Variants in LAMA2 observed in about 807,000 individuals in gnomAD.
LAMA2 encodes the protein laminin subunit alpha 2, also known as laminin subunit alpha-2.
A neutral mutation model predicts 364.8 loss-of-function variants in LAMA2; 269 were observed. That is an observed-to-expected ratio of 0.74 (90% CI 0.67 to 0.82). LAMA2 has a LOEUF of 0.82. Among genes scored for constraint, LAMA2 ranks in the 40% least tolerant of loss-of-function variants. The pLI, the probability that LAMA2 is intolerant of heterozygous loss-of-function variation, is 0.00. For missense variants in LAMA2, 3,807 were observed against 3,873.2 expected, an observed-to-expected ratio of 0.98 and a Z score of 0.45; for synonymous variants, 1,379 against 1,370.6, an observed-to-expected ratio of 1.01 and a Z score of -0.14.
intron 4 of LAMA2, among the ~76,000 whole-genome samples, chr6:129,118,996 A>G (rs1387074267): frequency 1.3e-5 from 2 of 152,230 alleles, no homozygotes; most frequent in South Asian, 4.1e-4. Flanking sequence ...GCAAAATTGT[A>G]TAACGCAATT....
chr6:129,384,517 A>C (rs1778868811), intron 35 of LAMA2, among the ~76,000 whole-genome samples: 1 of 152,190 alleles, frequency 6.6e-6, no homozygotes, highest in African/African-American at 2.4e-5. Context: ...AGTAGATCCT[A>C]TTATCAACAC....
chr6:129,387,545 C>G (rs966920239), intron 35 of LAMA2, among the ~76,000 whole-genome samples: 1 of 152,124 alleles, frequency 6.6e-6, no homozygotes, highest in Non-Finnish European at 1.5e-5. Flanking sequence ...CCCAGCAACC[C>G]CATAACTGGG....
chr6:129,486,549 A>G lies in LAMA2; in HGVS notation c.7825A>G (p.Ile2609Val). 2 of 1,614,036 alleles carry G rather than the reference A, an allele frequency of 1.2e-6. No individual in the cohort carries two copies. The highest frequency in any genetic ancestry group is 1.7e-4 in the Middle Eastern group (1 of 6,060). ...CACAGGGGCACGAACAATGAGGAAAATTGTGATCAGACCAGAGCCGAATCT... is the reference window on the plus strand; with the variant it reads ...CACAGGGGCACGAACAATGAGGAAAGTTGTGATCAGACCAGAGCCGAATCT... ...LSTGARTMRK[I>V]VIRPEPNLFH... is the part of the protein sequence containing the mutation. Residue 2609 changes from isoleucine to valine, a missense_variant, in exon 56 of 65, where the codon ATT (isoleucine) becomes GTT (valine). Physicochemically the swap from Ile to Val is conservative, Grantham distance 29. This residue lies in a region of LAMA2 where 3,333 missense variants were observed against 3,345.7 expected (regional missense o/e 1.00). Coordinates refer to ENST00000421865, the MANE Select transcript of LAMA2 (RefSeq NM_000426.4).
intron 5 of LAMA2, among the ~76,000 whole-genome samples, chr6:129,145,145 A>C (rs2114960841): frequency 6.6e-6 from 1 of 152,114 alleles, no homozygotes; most frequent in African/African-American, 2.4e-5. Context: ...TTAATTCTAG[A>C]ATGATCCCAC....
chr6:129,430,953 GT>G (rs1781560975), intron 41 of LAMA2, among the ~76,000 whole-genome samples: 1 of 151,930 alleles, frequency 6.6e-6, no homozygotes, highest in South Asian at 2.1e-4. Flanking sequence ...GTAGACCTTG[GT>G]TTATTAAAAG....
At chr6:129,361,548 C>T (rs1231037134) in intron 32 of LAMA2, among the ~76,000 whole-genome samples, 1 of 152,220 alleles carries the variant, frequency 6.6e-6, no homozygotes, top group Non-Finnish European at 1.5e-5. Flanking sequence ...AAATTGGGGC[C>T]TCAACTGCCC....
At chr6:128,973,347 G>C (rs554587270) in intron 1 of LAMA2, among the ~76,000 whole-genome samples, 59 of 152,280 alleles carry the variant, frequency 3.9e-4, no homozygotes, top group African/African-American at 1.2e-3. Context: ...CTGATAATAA[G>C]AGAGTTTGAC....
intron 58 of LAMA2, among the ~76,000 whole-genome samples, chr6:129,493,395 C>T (rs1434338999): frequency 6.6e-6 from 1 of 152,180 alleles, no homozygotes; most frequent in East Asian, 1.9e-4. Context: ...CAATCTATTT[C>T]TCAGTTTCCC....
intron 3 of LAMA2, among the ~76,000 whole-genome samples, chr6:129,091,504 GTT>G (rs1276818190): frequency 6.6e-6 from 1 of 152,168 alleles, no homozygotes; most frequent in African/African-American, 2.4e-5. Flanking sequence ...GAAATGGCCT[GTT>G]TGCTTACCTG....
chr6:129,457,322 T>G (rs1206030731), intron 48 of LAMA2, among the ~76,000 whole-genome samples: 2 of 152,138 alleles, frequency 1.3e-5, no homozygotes, highest in Non-Finnish European at 2.9e-5. Context: ...TTCTTAGAAC[T>G]TCATATAAAT....
intron 17 of LAMA2, among the ~76,000 whole-genome samples, chr6:129,277,565 TAC>T (rs1223127352): frequency 6.6e-6 from 1 of 152,166 alleles, no homozygotes; most frequent in East Asian, 1.9e-4. Flanking sequence ...ACTTAATTCT[TAC>T]CAGTAGGTTT....
chr6:129,200,107 T>TAAAAGTA (rs1435123381), intron 12 of LAMA2, among the ~76,000 whole-genome samples: 11 of 132,856 alleles, frequency 8.3e-5, no homozygotes, highest in Non-Finnish European at 1.6e-5. Flanking sequence ...TGTATATGTG[T>TAAAAGTA]ACACGTATAT....
Position 129,005,805 on chromosome 6 carries a change from ATATG to A in LAMA2, c.113-44112_113-44109del, listed in dbSNP as rs1278615939. On this transcript the variant is annotated intron_variant, in intron 1 of 64. Coordinates refer to ENST00000421865, the MANE Select transcript of LAMA2 (RefSeq NM_000426.4). ...TTACAAGTTTCAGTACAATTTATAT[ATATG>A]GATTATATCTACATATATATTTTTT... is the stretch of plus-strand genomic sequence containing the variant. 2.0e-5 allele frequency among the ~76,000 whole-genome samples: 3 copies of A among 151,106 alleles called. No homozygotes were observed. The East Asian group carries it at 5.9e-4, about 30-fold the overall frequency.
chr6:129,431,811 G>T (rs1465347407), intron 41 of LAMA2, among the ~76,000 whole-genome samples: 1 of 152,052 alleles, frequency 6.6e-6, no homozygotes, highest in African/African-American at 2.4e-5. Flanking sequence ...CTATACAGTG[G>T]TCCTCCAAAC....
intron 34 of LAMA2, among the ~76,000 whole-genome samples, chr6:129,378,509 T>C (rs1650851110): frequency 6.6e-6 from 1 of 152,244 alleles, no homozygotes; most frequent in African/African-American, 2.4e-5. Flanking sequence ...TAATGAGACA[T>C]GATTTTTAAA....
Position 129,147,183 on chromosome 6 carries a change from C to T in LAMA2, c.909+135C>T, listed in dbSNP as rs1778511165. 5.6e-6 allele frequency: 4 copies of T among 718,080 alleles called. No homozygotes were observed. In the East Asian group the frequency reaches 1.0e-4, roughly 19 times the overall value. 44.5% of individuals were successfully genotyped at this position (718,080 alleles called of 1,614,324 possible). On this transcript the variant is annotated intron_variant, in intron 6 of 64. Transcript: ENST00000421865. Reference sequence around the variant, plus strand: ...TAGACAGTGTAACAGAAATCCATGCCAGGGTGAAATAAGAGCTGGCAGTTA... The same window carrying T: ...TAGACAGTGTAACAGAAATCCATGCTAGGGTGAAATAAGAGCTGGCAGTTA...
intron 43 of LAMA2, among the ~76,000 whole-genome samples, chr6:129,442,405 TA>T: frequency 6.6e-6 from 1 of 152,332 alleles, no homozygotes; most frequent in Non-Finnish European, 1.5e-5. Flanking sequence ...GCTCAAAGTT[TA>T]CATAATAACT....
intron 9 of LAMA2, among the ~76,000 whole-genome samples, chr6:129,167,907 A>C (rs1362821806): frequency 1.3e-5 from 2 of 150,326 alleles, no homozygotes; most frequent in African/African-American, 4.9e-5. Flanking sequence ...CATTTCTCTG[A>C]TGGCCAGTGA....
In LAMA2 at chr6:129,312,864, T is replaced by A; in HGVS notation, c.3178T>A (p.Cys1060Ser). The part of the protein sequence containing the change: ...GHSITTGCKA[C>S]NCSTVGSLDF... Reference sequence around the variant, plus strand: ...GCTGTTTTTATCTCCTCTATAGGCTTGTAACTGCAGCACAGTGGGATCCTT... The same window carrying A: ...GCTGTTTTTATCTCCTCTATAGGCTAGTAACTGCAGCACAGTGGGATCCTT... The change falls in exon 23 of 65, where the codon TGT (cysteine) becomes AGT (serine). Residue 1060 changes from cysteine (C) to serine (S), a missense_variant. Cys to Ser is a moderately radical substitution (Grantham distance 112). This residue lies in a region of LAMA2 where 3,333 missense variants were observed against 3,345.7 expected (regional missense o/e 1.00). Coordinates refer to ENST00000421865, the MANE Select transcript of LAMA2 (RefSeq NM_000426.4). 1 of 1,611,852 alleles carries A rather than the reference T, an allele frequency of 6.2e-7. No individual in the cohort carries two copies.
Sources: gnomAD v4.1 joint callset for allele counts (sites outside exome capture counted in the v4.1 genomes callset) on GRCh38, gnomAD v4.1.1 for gene constraint, gnomAD v4.1.1 regional missense constraint, MANE v1.5 for transcripts, NCBI Gene and HGNC (gene_info 2026-07-23, HGNC 2026-07-21) for gene names.